VARS2: variants seen among roughly 807,000 people sequenced by gnomAD.
The protein encoded by VARS2 is valine--tRNA ligase, mitochondrial.
In VARS2, 105 loss-of-function variants were observed where a neutral mutation model predicts 154.1. The ratio of observed to expected loss-of-function variants is 0.68; its 90% CI spans 0.58 to 0.80. The LOEUF is 0.80. Ranked by LOEUF, VARS2 falls within the 30% of genes least tolerant of loss-of-function variation. The pLI is 0.00. For missense variants in VARS2, 1,157 were observed against 1,361.4 expected, an observed-to-expected ratio of 0.85 and a Z score of 2.36; for synonymous variants, 483 against 539.5, an observed-to-expected ratio of 0.90 and a Z score of 1.45.
chr6:30,923,283 C>T (rs983923931), intron 24 of VARS2, 52 bp downstream of exon 24: 16 of 1,608,224 alleles, frequency 9.9e-6, no homozygotes, highest in African/African-American at 1.3e-5. Context: ...GTCAGAGGGC[C>T]AAGGTGGCAT....
chr6:30,921,037 C>A lies in VARS2; in HGVS notation c.1480-28C>A. On this transcript the variant is annotated intron_variant, in intron 15 of 29. Coordinates refer to ENST00000676266, the MANE Select transcript of VARS2 (RefSeq NM_020442.6). This position sits in a 1 kb window ranked among gnomAD's most constrained non-coding sequence, Gnocchi z 4.6. ...AGGTGCGGCCGTGCAGGAAGGGCAA[C>A]ATTGTCTAAAGTCCCCTTTCTCTCC... is the stretch of plus-strand genomic sequence containing the variant. 1 of 1,593,346 alleles carries A rather than the reference C, an allele frequency of 6.3e-7. No individual in the cohort carries two copies. The highest frequency in any genetic ancestry group is 1.1e-5 in the South Asian group (1 of 87,168).
intron 27 of VARS2, 29 bp from the exon 28 acceptor site, chr6:30,925,515 C>T: frequency 6.4e-7 from 1 of 1,561,074 alleles, no homozygotes; most frequent in Non-Finnish European, 8.6e-7. Flanking sequence ...GAGCTGAGGC[C>T]TTGCCCCTGA....
At position 30,917,724 on chromosome 6, in the gene VARS2, A is replaced by C; in HGVS notation, c.903A>C (p.Thr301=). ...EVENRPLPGH[T]QLRLPGCPTP... is the part of the protein sequence containing the mutation. ...AGAACCGGCCCCTGCCTGGCCACAC[A>C]CAGCTTCGACTGCCTGGCTGCCCCA... The change falls in exon 10 of 30, where the codon ACA becomes ACC. Residue 301 remains threonine, a synonymous_variant. Transcript: ENST00000676266. This position sits in a 1 kb window ranked among gnomAD's most constrained non-coding sequence, Gnocchi z 4.4. 4 of 1,566,304 alleles carry C rather than the reference A, an allele frequency of 2.6e-6. No individual in the cohort carries two copies. The highest frequency in any genetic ancestry group is 3.5e-6 in the Non-Finnish European group (4 of 1,154,984).
rs1249879934 is a variant in VARS2, at chr6:30,921,814, G to A, written c.1736-111G>A. On this transcript the variant is annotated intron_variant, in intron 18 of 29. Coordinates refer to ENST00000676266, the MANE Select transcript of VARS2 (RefSeq NM_020442.6). The surrounding 1 kb of genome is among the most constrained non-coding windows in gnomAD (Gnocchi z 4.6). ...AGGAAAGTTGGGAATGGAGCCAAAG[G>A]GGACAGCCCTGGTCTCTGGGGGTGG... 94 of 1,554,388 alleles carry A rather than the reference G, an allele frequency of 6.0e-5. No individual in the cohort carries two copies. Among genetic ancestry groups the A allele is most frequent in the Non-Finnish European group, 7.7e-5 (88 of 1,136,050 alleles).
chr6:30,916,454 G>A lies in VARS2; in HGVS notation c.671+205G>A, dbSNP rs1794175664. ...ATATTATATATGCATTAGAATATTC[G>A]TGTGTGTGTGTGTGTGTGTGTGTAT... On this transcript the variant is annotated intron_variant, in intron 7 of 29. Transcript: ENST00000676266. The surrounding 1 kb of genome is among the most constrained non-coding windows in gnomAD (Gnocchi z 4.0). 6 of 226,460 alleles carry A rather than the reference G, an allele frequency of 2.6e-5. No homozygotes were observed. The highest frequency in any genetic ancestry group is 4.4e-5 in the Non-Finnish European group (6 of 137,220). 14.0% of individuals were successfully genotyped at this position (226,460 alleles called of 1,614,324 possible).
Position 30,924,508 on chromosome 6 carries a change from G to C in VARS2, c.2621G>C (p.Cys874Ser). 2 of 1,587,372 alleles carry C rather than the reference G, an allele frequency of 1.3e-6. No individual in the cohort carries two copies. Among genetic ancestry groups the C allele is most frequent in the Non-Finnish European group, 1.7e-6 (2 of 1,162,348 alleles). Residue 874 changes from cysteine (C) to serine (S), a missense_variant, in exon 26 of 30, where the codon TGC becomes TCC. Transcript: ENST00000676266. ...LWQRLPPRPG[C>S]PPAPSISVAP... Reference sequence around the variant, plus strand: ...CAGAGGCTGCCCCCCAGGCCTGGTTGCCCCCCTGCCCCCAGCATCTCGGTT... The same window carrying C: ...CAGAGGCTGCCCCCCAGGCCTGGTTCCCCCCCTGCCCCCAGCATCTCGGTT...
intron 20 of VARS2, 62 bp from the exon 21 acceptor site, chr6:30,922,388 G>T (rs1363817832): frequency 6.2e-7 from 1 of 1,607,948 alleles, no homozygotes; most frequent in African/African-American, 1.3e-5. Flanking sequence ...AAAGTATGGA[G>T]GCCAGAGATC....
chr6:30,914,366 C>A, intron 1 of VARS2, 22 bp downstream of exon 1: 1 of 1,248,370 alleles, frequency 8.0e-7, no homozygotes, highest in Non-Finnish European at 1.0e-6. Context: ...CCGGGGCGGC[C>A]TCCGGGAAGT....
chr6:30,921,923 A>G lies in VARS2; in HGVS notation c.1736-2A>G, dbSNP rs928269453. On this transcript the variant is annotated splice_acceptor_variant, in intron 18 of 29. Coordinates refer to ENST00000676266, the MANE Select transcript of VARS2 (RefSeq NM_020442.6). LOFTEE classifies it high-confidence loss of function. This position sits in a 1 kb window ranked among gnomAD's most constrained non-coding sequence, Gnocchi z 4.6. ...TGTCCCCATTCTTTTTCTGTTTCCC[A>G]GATCCTGATGTCCTAGACACATGGT... The G allele has an allele frequency of 6.2e-7, 1 of 1,612,996 alleles. No homozygotes were observed. The highest frequency in any genetic ancestry group is 1.3e-5 in the African/African-American group (1 of 75,036).
At chr6:30,922,798 C>CA in intron 22 of VARS2, 24 bp downstream of exon 22, 1 of 1,596,472 alleles carries the variant, frequency 6.3e-7, no homozygotes, top group Middle Eastern at 1.7e-4. Context: ...GCCTGCCCCC[C>CA]ACCAGCTCTA....
Position 30,921,346 on chromosome 6 carries a change from G to C in VARS2, c.1632+41G>C. On this transcript the variant is annotated intron_variant, in intron 17 of 29. Transcript: ENST00000676266. This position sits in a 1 kb window ranked among gnomAD's most constrained non-coding sequence, Gnocchi z 4.6. ...CACCCGGAGGGCCGAGTGTGGCACA[G>C]AGCACCTAGCCCAGGAGTCAGAGCT... is the stretch of plus-strand genomic sequence containing the variant. 2 of 1,611,848 alleles carry C rather than the reference G, an allele frequency of 1.2e-6. No homozygotes were observed. Among genetic ancestry groups the C allele is most frequent in the Non-Finnish European group, 1.7e-6 (2 of 1,178,280 alleles).
rs1794504446 is a variant in VARS2 at position 30,921,414 on chromosome 6, G to C, written c.1632+109G>C. 4.1e-6 allele frequency: 6 copies of C among 1,476,834 alleles called. No individual in the cohort carries two copies. In the African/African-American group the frequency reaches 6.9e-5, roughly 17 times the overall value. 91.5% of individuals were successfully genotyped at this position (1,476,834 alleles called of 1,614,324 possible). A position where few individuals can be genotyped will look rare whatever the true frequency, so the allele number is the denominator to read the frequency against. On this transcript the variant is annotated intron_variant, in intron 17 of 29. Coordinates refer to ENST00000676266, the MANE Select transcript of VARS2 (RefSeq NM_020442.6). The surrounding 1 kb of genome is among the most constrained non-coding windows in gnomAD (Gnocchi z 4.6). Reference sequence around the variant, plus strand: ...GCTCCTGCCTGGTCATGTGCTTCATGCTCATAGTCATGTAACCTTCTGCGC... The same window carrying C: ...GCTCCTGCCTGGTCATGTGCTTCATCCTCATAGTCATGTAACCTTCTGCGC...
chr6:30,914,557 C>T, intron 1 of VARS2: 3 of 1,329,334 alleles, frequency 2.3e-6, no homozygotes, highest in Non-Finnish European at 2.9e-6. Flanking sequence ...TGAGCCCTAT[C>T]TCTCATGTGT....
rs1794620512 is a variant in VARS2 at position 30,922,942 on chromosome 6, C to G, written c.2151C>G (p.Ala717=). ...GGATCCCTGAGTGTGGGACAGATGC[C>G]CTGAGATTCACACTCTGCTCCCATG... is the stretch of plus-strand genomic sequence containing the variant. The part of the protein sequence containing the change: ...PHGIPECGTD[A]LRFTLCSHGV... Residue 717 remains alanine (A), a synonymous_variant, in exon 23 of 30, where the codon GCC becomes GCG. Transcript: ENST00000676266. 1 of 1,610,438 alleles carries G rather than the reference C, an allele frequency of 6.2e-7. No individual in the cohort carries two copies. Among genetic ancestry groups the G allele is most frequent in the Non-Finnish European group, 8.5e-7 (1 of 1,178,318 alleles).
rs1794531529 is a variant in VARS2, at chr6:30,921,812, A to G, written c.1736-113A>G. On this transcript the variant is annotated intron_variant, in intron 18 of 29. Transcript: ENST00000676266. This position sits in a 1 kb window ranked among gnomAD's most constrained non-coding sequence, Gnocchi z 4.6. ...TCAGGAAAGTTGGGAATGGAGCCAA[A>G]GGGGACAGCCCTGGTCTCTGGGGGT... 1 of 1,551,878 alleles carries G rather than the reference A, an allele frequency of 6.4e-7. No individual in the cohort carries two copies. Among genetic ancestry groups the G allele is most frequent in the Non-Finnish European group, 8.8e-7 (1 of 1,134,502 alleles).
rs986037885 is a variant in VARS2, at chr6:30,919,026, A to T, written c.1074+111A>T. Reference sequence around the variant, plus strand: ...CTTGCTTCTACTTCCTTTTCCTGAGACTTCTCTCAGTGGTTCTGATTGGAC... The same window carrying T: ...CTTGCTTCTACTTCCTTTTCCTGAGTCTTCTCTCAGTGGTTCTGATTGGAC... On this transcript the variant is annotated intron_variant, in intron 11 of 29. Transcript: ENST00000676266. The surrounding 1 kb of genome is among the most constrained non-coding windows in gnomAD (Gnocchi z 4.5). 3 of 1,006,960 alleles carry T rather than the reference A, an allele frequency of 3.0e-6. No homozygotes were observed. Among genetic ancestry groups the T allele is most frequent in the Non-Finnish European group, 4.5e-6 (3 of 664,604 alleles). The allele number at this position is 1,006,960 out of a possible 1,614,324, so 62.4% of individuals were successfully genotyped here. A position where few individuals can be genotyped will look rare whatever the true frequency, so the allele number is the denominator to read the frequency against.
At position 30,921,402 on chromosome 6, in the gene VARS2, C is replaced by A; in HGVS notation, c.1632+97C>A. 1 of 1,490,472 alleles carries A rather than the reference C, an allele frequency of 6.7e-7. No individual in the cohort carries two copies. The highest frequency in any genetic ancestry group is 1.2e-5 in the South Asian group (1 of 86,300). The allele number at this position is 1,490,472 out of a possible 1,614,324, so 92.3% of individuals were successfully genotyped here. A position where few individuals can be genotyped will look rare whatever the true frequency, so the allele number is the denominator to read the frequency against. Reference sequence around the variant, plus strand: ...GGGCCAAGTCCCGCTCCTGCCTGGTCATGTGCTTCATGCTCATAGTCATGT... The same window carrying A: ...GGGCCAAGTCCCGCTCCTGCCTGGTAATGTGCTTCATGCTCATAGTCATGT... On this transcript the variant is annotated intron_variant, in intron 17 of 29. Coordinates refer to ENST00000676266, the MANE Select transcript of VARS2 (RefSeq NM_020442.6). This position sits in a 1 kb window ranked among gnomAD's most constrained non-coding sequence, Gnocchi z 4.6.
At position 30,919,711 on chromosome 6, in the gene VARS2, C is replaced by T. The variant is rs1794387625; in HGVS notation, c.1075-47C>T. On this transcript the variant is annotated intron_variant, in intron 11 of 29. Transcript: ENST00000676266. This position sits in a 1 kb window ranked among gnomAD's most constrained non-coding sequence, Gnocchi z 4.5. ...TTCTCACGCCCCAGCCCAGACCCTT[C>T]CAACCCTCACAGGTGCCTGTCCTTG... The T allele has an allele frequency of 2.0e-6, 3 of 1,480,286 alleles. No homozygotes were observed. Among genetic ancestry groups the T allele is most frequent in the Non-Finnish European group, 2.7e-6 (3 of 1,102,878 alleles). The allele number at this position is 1,480,286 out of a possible 1,614,324, so 91.7% of individuals were successfully genotyped here.
In VARS2 at chr6:30,922,988, C is replaced by T. The variant is rs759957635; in HGVS notation, c.2185+12C>T. 1.4e-5 allele frequency: 23 copies of T among 1,605,948 alleles called. No individual in the cohort carries two copies. Among genetic ancestry groups the T allele is most frequent in the South Asian group, 1.0e-4 (9 of 90,188 alleles). The stretch of plus-strand genomic sequence containing the variant: ...CCATGGAGTTCAGGGTAAGCCTGGG[C>T]GAGGGGTGTCGGGGTGAGCAGAGGG... On this transcript the variant is annotated intron_variant, in intron 23 of 29. Transcript: ENST00000676266.
Sources: allele counts gnomAD v4.1 joint callset, GRCh38; gene constraint gnomAD v4.1.1; non-coding constraint Gnocchi (gnomAD v3.1); transcripts MANE v1.5; gene names NCBI Gene and HGNC (gene_info 2026-07-23, HGNC 2026-07-21).